The following MAP4 variants were observed in gnomAD, a reference collection of about 807,000 sequenced individuals.
The protein encoded by MAP4 is microtubule associated protein 4.
MAP4 carries 76 observed loss-of-function variants against 170.2 expected under a neutral mutation model. That is an observed-to-expected ratio of 0.45 (90% confidence interval 0.37 to 0.54). MAP4 has a LOEUF of 0.54. Among genes scored for constraint, MAP4 ranks in the 20% least tolerant of loss-of-function variants. The pLI is 0.00. For missense variants in MAP4, 2,506 were observed against 2,748.0 expected (o/e 0.91, Z 1.97); for synonymous variants, 909 against 994.5 (o/e 0.91, Z 1.62).
intron 1 of MAP4, among the ~76,000 whole-genome samples, chr3:48,074,976 A>G (rs1299451840): frequency 1.5e-4 from 23 of 152,122 alleles, no homozygotes; most frequent in Admixed American, 1.5e-3. Context: ...CAAAATTCCA[A>G]CTGCCTTTTC....
rs1443970660 is a variant in MAP4, at chr3:47,909,947, T to C, written c.4474A>G (p.Arg1492Gly). Residue 1492 changes from arginine to glycine, a missense_variant, in exon 9 of 21, where the codon AGA becomes GGA. Around this residue, in one of 3 missense-constraint regions of MAP4, gnomAD observed 2,008 missense variants for 2,206.0 expected, o/e 0.91. Coordinates refer to ENST00000683076, the MANE Select transcript of MAP4 (RefSeq NM_001385682.1). ...YTKDGVPGQE[R>G]PKGPSAVVPS... Reference sequence around the variant, plus strand: ...ACAACAGCAGAGGGACCCTTGGGTCTTTCTTGACCTGGGACTCCATCTTTG... The same window carrying C: ...ACAACAGCAGAGGGACCCTTGGGTCCTTCTTGACCTGGGACTCCATCTTTG... The C allele has an allele frequency of 6.2e-7, 1 of 1,614,050 alleles. No homozygotes were observed. Among genetic ancestry groups the C allele is most frequent in the Admixed American group, 1.7e-5 (1 of 60,024 alleles).
chr3:48,044,071 C>T lies in MAP4; in HGVS notation c.-20+44702G>A, dbSNP rs1047929526. Among the ~76,000 whole-genome samples the T allele has an allele frequency of 9.2e-5, 14 of 151,850 alleles. No homozygotes were observed. In the Middle Eastern group the frequency reaches 0.017, roughly 186 times the overall value. On this transcript the variant is annotated intron_variant, in intron 1 of 18. Coordinates refer to the MAP4 transcript ENST00000360240. ...ATGTTGGCCAGGATGGTCTCGATCT[C>T]CTGACCTCGTGATCTGCCCACCTAA...
intron 2 of MAP4, among the ~76,000 whole-genome samples, chr3:47,983,139 A>T (rs13075795): frequency 0.61 from 92,279 of 152,042 alleles, 29,194 homozygotes; most frequent in East Asian, 0.72. Context: ...TCCCGACCTC[A>T]AGTGATCTGC....
chr3:48,034,904 T>C (rs2100118007), intron 1 of MAP4, among the ~76,000 whole-genome samples: 1 of 151,908 alleles, frequency 6.6e-6, no homozygotes, highest in South Asian at 2.1e-4. Context: ...TCCCAGCTCC[T>C]TGGGAGGCTG....
intron 1 of MAP4, among the ~76,000 whole-genome samples, chr3:48,056,808 C>A (rs2100132115): frequency 1.2e-5 from 1 of 85,758 alleles, no homozygotes; most frequent in Admixed American, 9.8e-5. Context: ...GTCAGCCCCC[C>A]GCCCGGCCAG....
chr3:47,968,012 C>T (rs1475669523), intron 3 of MAP4, among the ~76,000 whole-genome samples: 2 of 152,184 alleles, frequency 1.3e-5, no homozygotes, highest in Non-Finnish European at 1.5e-5. Flanking sequence ...ACTGCTGCTT[C>T]TGAGGCTCAT....
At position 48,031,633 on chromosome 3, in the gene MAP4, G is replaced by T. The variant is rs142061337; in HGVS notation, c.-19-32754C>A. On this transcript the variant is annotated intron_variant, in intron 1 of 18. Transcript: ENST00000360240. ...CCAACTACCCGGGAGGCTGAGGTGG[G>T]AGGATCACTTGGGCCCTGGAGGCCA... Among the ~76,000 whole-genome samples, 141 of 152,314 alleles carry T rather than the reference G, an allele frequency of 9.3e-4. 1 individual carries two copies. In the Middle Eastern group the frequency reaches 0.014, roughly 15 times the overall value.
rs755694860 is a variant in MAP4 at position 47,897,538 on chromosome 3, CAT to C, written c.5434+5410_5434+5411del. Among the ~76,000 whole-genome samples, 16 of 152,178 alleles carry C rather than the reference CAT, an allele frequency of 1.1e-4. No homozygotes were observed. The South Asian group carries it at 1.2e-3, about 12-fold the overall frequency. ...CAAATTAATACACAGTATGCATACA[CAT>C]GTGTGTGTATGTATGTGTGTTTAGG... On this transcript the variant is annotated intron_variant, in intron 10 of 20. Transcript: ENST00000683076.
intron 4 of MAP4, among the ~76,000 whole-genome samples, chr3:47,927,115 C>T (rs141444290): frequency 1.9e-3 from 292 of 149,840 alleles, no homozygotes; most frequent in Non-Finnish European, 3.5e-3. Flanking sequence ...GCTGAGATTG[C>T]GCCACTGCAC....
intron 3 of MAP4, among the ~76,000 whole-genome samples, chr3:47,972,218 A>G (rs2100079189): frequency 6.6e-6 from 1 of 152,240 alleles, no homozygotes; most frequent in African/African-American, 2.4e-5. Flanking sequence ...ACACTAACCC[A>G]GAATGGCTAG....
At chr3:47,857,570 CCCAT>C in intron 17 of MAP4, 58 bp from the exon 18 acceptor site, 1 of 1,131,086 alleles carries the variant, frequency 8.8e-7, no homozygotes, top group Non-Finnish European at 1.3e-6. Context: ...CAGAGCCAAC[CCCAT>C]GCTACCTTTT....
At chr3:47,893,946 C>T (rs1232388171) in intron 10 of MAP4, among the ~76,000 whole-genome samples, 1 of 152,084 alleles carries the variant, frequency 6.6e-6, no homozygotes, top group African/African-American at 2.4e-5. Context: ...AAGAACTCAC[C>T]TTCTCTATTC....
intron 3 of MAP4, chr3:47,931,918 T>C (rs1287613306): frequency 6.6e-6 from 1 of 152,178 alleles, no homozygotes; most frequent in African/African-American, 2.4e-5. Flanking sequence ...ACCAGCCTCT[T>C]TTTATTTTTT....
chr3:47,973,921 T>A, intron 3 of MAP4: 1 of 985,148 alleles, frequency 1.0e-6, no homozygotes, highest in Non-Finnish European at 1.2e-6. Context: ...AAGCATAACC[T>A]CTTTCCTTTA....
chr3:47,897,952 A>AGGG (rs1559960134), intron 10 of MAP4, among the ~76,000 whole-genome samples: 18 of 139,298 alleles, frequency 1.3e-4, no homozygotes, highest in African/African-American at 5.0e-4. Context: ...GGGGGGGGGA[A>AGGG]AAAAAAAAAA....
At chr3:47,941,290 A>C (rs2154007226) in intron 3 of MAP4, among the ~76,000 whole-genome samples, 1 of 147,432 alleles carries the variant, frequency 6.8e-6, no homozygotes, top group Admixed American at 6.7e-5. Context: ...TGAAGTTTTG[A>C]TGTCAAATCA....
intron 5 of MAP4, among the ~76,000 whole-genome samples, chr3:47,920,024 G>A (rs890742693): frequency 1.3e-5 from 2 of 152,004 alleles, no homozygotes; most frequent in African/African-American, 2.4e-5. Context: ...AGGCTGGAGT[G>A]CAATGGCACA....
At chr3:47,856,744 G>C (rs2057239046) in intron 18 of MAP4, among the ~76,000 whole-genome samples, 3 of 152,200 alleles carry the variant, frequency 2.0e-5, no homozygotes, top group Non-Finnish European at 2.9e-5. Flanking sequence ...AGAGAGTTTT[G>C]CCTTCACCTT....
chr3:47,909,637 C>T lies in MAP4; in HGVS notation c.4784G>A (p.Gly1595Glu). ...TGGGAAATTACCTCTATCTGCATAT[C>T]CTTCTAGGGCTCTGGCCTCTCCTGG... Reference protein sequence around the residue: ...SLPGEARALEGYADRGNFPAH... With the variant: ...SLPGEARALEEYADRGNFPAH... The change falls in exon 9 of 21, where the codon GGA becomes GAA. Residue 1595 changes from glycine to glutamate, a missense_variant. Gly to Glu is a moderately conservative substitution (Grantham distance 98). Transcript: ENST00000683076. 6.2e-7 allele frequency: 1 copy of T among 1,613,892 alleles called. No homozygotes were observed.
Sources: allele counts gnomAD v4.1 joint callset (sites outside exome capture counted in the v4.1 genomes callset), GRCh38; gene constraint gnomAD v4.1.1; regional missense constraint gnomAD v4.1.1; transcripts MANE v1.5; gene names NCBI Gene and HGNC (gene_info 2026-07-23, HGNC 2026-07-21).